The following CNTNAP2 variants were observed in gnomAD, a reference collection of about 807,000 sequenced individuals.
CNTNAP2 encodes the protein contactin associated protein 2, also known as contactin-associated protein-like 2.
In CNTNAP2, 98 loss-of-function variants were observed where a neutral mutation model predicts 155.2. The observed-to-expected ratio is 0.63, with a 90% CI of 0.54 to 0.75. CNTNAP2 has a LOEUF of 0.75. Ranked by LOEUF, CNTNAP2 falls within the 30% of genes least tolerant of loss-of-function variation. CNTNAP2 has a pLI of 0.00. For synonymous variants in CNTNAP2, 651 were observed against 631.2 expected (o/e 1.03, Z -0.47); for missense variants, 1,727 against 1,688.1 (o/e 1.02, Z -0.40).
chr7:147,661,671 G>A (rs1459277538), intron 13 of CNTNAP2, among the ~76,000 whole-genome samples: 1 of 151,698 alleles, frequency 6.6e-6, no homozygotes, highest in Non-Finnish European at 1.5e-5. Flanking sequence ...TCCTGCCACA[G>A]CCTCCTAAGT....
intron 20 of CNTNAP2, among the ~76,000 whole-genome samples, chr7:148,266,112 C>G (rs1310566921): frequency 2.0e-5 from 3 of 152,200 alleles, no homozygotes; most frequent in Admixed American, 2.0e-4. Context: ...GACGTGGCCC[C>G]CATGGGAATG....
chr7:147,960,611 A>T (rs1801100873), intron 14 of CNTNAP2, among the ~76,000 whole-genome samples: 1 of 152,172 alleles, frequency 6.6e-6, no homozygotes. Flanking sequence ...AGTAATAGGC[A>T]GTGTTTTCCA....
chr7:146,133,509 A>G (rs1208303615), intron 1 of CNTNAP2, among the ~76,000 whole-genome samples: 1 of 152,132 alleles, frequency 6.6e-6, no homozygotes, highest in Admixed American at 6.5e-5. Context: ...CCTGAATGGT[A>G]ATGCCTAGGT....
chr7:146,380,510 T>G (rs1795365840), intron 1 of CNTNAP2, among the ~76,000 whole-genome samples: 1 of 152,168 alleles, frequency 6.6e-6, no homozygotes, highest in Admixed American at 6.5e-5. Context: ...TTGGCACAAT[T>G]ACCAAAGATG....
rs1797358726 is a variant in CNTNAP2, at chr7:147,425,200, G to A, written c.1670+29420G>A. ...TGAGAATAATGCATGTTCAATAGAA[G>A]TGTTTCTAAACGACAAAAAAAAAAA... On this transcript the variant is annotated intron_variant, in intron 10 of 23. Transcript: ENST00000361727. Among the ~76,000 whole-genome samples the A allele has an allele frequency of 2.7e-5, 3 of 112,248 alleles. No homozygotes were observed. The Admixed American group carries it at 2.9e-4, about 11-fold the overall frequency. 73.6% of individuals were successfully genotyped at this position (112,248 alleles called of 152,430 possible).
intron 3 of CNTNAP2, among the ~76,000 whole-genome samples, chr7:146,858,219 G>A (rs938797614): frequency 6.6e-6 from 1 of 152,196 alleles, no homozygotes; most frequent in Non-Finnish European, 1.5e-5. Context: ...GTTCCTTGGA[G>A]AGAGTTGTCA....
At chr7:147,690,268 C>T (rs980707951) in intron 13 of CNTNAP2, among the ~76,000 whole-genome samples, 1 of 152,130 alleles carries the variant, frequency 6.6e-6, no homozygotes, top group Non-Finnish European at 1.5e-5. Flanking sequence ...TATTTCAAGA[C>T]GTAACTCTGA....
At chr7:146,377,223 G>A (rs907845179) in intron 1 of CNTNAP2, among the ~76,000 whole-genome samples, 2 of 152,078 alleles carry the variant, frequency 1.3e-5, no homozygotes, top group Non-Finnish European at 2.9e-5. Flanking sequence ...AGAGCAATGT[G>A]CTCTCTTTTG....
Position 146,888,682 on chromosome 7 carries a change from A to T in CNTNAP2, c.402+48778A>T, listed in dbSNP as rs117511266. ...ATTATTCAGCTTTAAAAAACAAGGAAATCCTGTCACTTGAGACAACATAGA... is the reference window on the plus strand; with the variant it reads ...ATTATTCAGCTTTAAAAAACAAGGATATCCTGTCACTTGAGACAACATAGA... On this transcript the variant is annotated intron_variant, in intron 3 of 23. Transcript: ENST00000361727. Among the ~76,000 whole-genome samples the T allele has an allele frequency of 1.8e-3, 277 of 152,200 alleles. 2 individuals are homozygous for T. Among genetic ancestry groups the T allele is most frequent in the Middle Eastern group, 6.8e-3 (2 of 294 alleles).
At chr7:146,840,080 T>C (rs570703560) in intron 3 of CNTNAP2, among the ~76,000 whole-genome samples, 176 bp downstream of exon 3, 4 of 152,318 alleles carry the variant, frequency 2.6e-5, no homozygotes, top group South Asian at 4.1e-4. Flanking sequence ...TTCTATCCAA[T>C]GGTTAAAGCA....
chr7:146,999,766 G>A (rs929250059), intron 3 of CNTNAP2, among the ~76,000 whole-genome samples: 2 of 151,910 alleles, frequency 1.3e-5, no homozygotes, highest in Admixed American at 6.6e-5. Context: ...TAGAGCTCTC[G>A]TCATTTGTGG....
chr7:147,499,906 C>T (rs2116665714), intron 11 of CNTNAP2, among the ~76,000 whole-genome samples: 1 of 152,188 alleles, frequency 6.6e-6, no homozygotes, highest in African/African-American at 2.4e-5. Context: ...AAATAGAGGG[C>T]TTTATATGCA....
intron 20 of CNTNAP2, among the ~76,000 whole-genome samples, chr7:148,250,121 C>A (rs996195579): frequency 6.6e-6 from 1 of 152,228 alleles, no homozygotes; most frequent in African/African-American, 2.4e-5. Context: ...GGAATTCTCC[C>A]GCCTTGGCTG....
chr7:146,529,075 T>C (rs543232975), intron 1 of CNTNAP2, among the ~76,000 whole-genome samples: 2 of 152,182 alleles, frequency 1.3e-5, no homozygotes, highest in Non-Finnish European at 2.9e-5. Flanking sequence ...GCTAAAATCA[T>C]AGACTAAATA....
At chr7:148,281,678 A>G (rs1003668142) in intron 21 of CNTNAP2, among the ~76,000 whole-genome samples, 1 of 152,078 alleles carries the variant, frequency 6.6e-6, no homozygotes, top group African/African-American at 2.4e-5. Context: ...TCATTCTTAG[A>G]CATTTATTGG....
At chr7:146,253,906 T>A (rs1049942293) in intron 1 of CNTNAP2, among the ~76,000 whole-genome samples, 2 of 145,766 alleles carry the variant, frequency 1.4e-5, no homozygotes, top group African/African-American at 2.8e-5. Flanking sequence ...AAAAAAAAAA[T>A]TAAAAATTAG....
chr7:147,245,121 T>C (rs1408701132), intron 8 of CNTNAP2, among the ~76,000 whole-genome samples: 1 of 152,130 alleles, frequency 6.6e-6, no homozygotes, highest in African/African-American at 2.4e-5. Context: ...TCAAAAATAA[T>C]TTTGCTTTTG....
At chr7:146,560,771 C>T (rs1196946608) in intron 1 of CNTNAP2, among the ~76,000 whole-genome samples, 1 of 152,158 alleles carries the variant, frequency 6.6e-6, no homozygotes, top group East Asian at 1.9e-4. Flanking sequence ...TCAGCCACTT[C>T]CATTGCCTAT....
intron 1 of CNTNAP2, among the ~76,000 whole-genome samples, chr7:146,685,766 T>A (rs1392215870): frequency 6.6e-6 from 1 of 152,168 alleles, no homozygotes. Context: ...CATGTGTATA[T>A]CCATTTTCCT....
Sources: allele counts gnomAD v4.1 joint callset (sites outside exome capture counted in the v4.1 genomes callset), GRCh38; gene constraint gnomAD v4.1.1; transcripts MANE v1.5; gene names NCBI Gene and HGNC (gene_info 2026-07-23, HGNC 2026-07-21).